The following DCDC1 variants were observed in gnomAD, a reference collection of about 807,000 sequenced individuals.
DCDC1 encodes the protein doublecortin domain containing 1, also known as doublecortin domain-containing protein 1.
In DCDC1, 200 loss-of-function variants were observed where a neutral mutation model predicts 178.3. That is an observed-to-expected ratio of 1.12 (90% CI 1.00 to 1.26). DCDC1 has a LOEUF of 1.26. Ranked by LOEUF, DCDC1 falls within the 50% of genes most tolerant of loss-of-function variation. The probability of loss-of-function intolerance (pLI) is 0.00; values close to 1 mark genes in which losing one functional copy is unlikely to be tolerated. For synonymous variants in DCDC1, 690 were observed against 604.8 expected, an observed-to-expected ratio of 1.14 and a Z score of -2.07; for missense variants, 1,983 against 1,749.2, an observed-to-expected ratio of 1.13 and a Z score of -2.38.
intron 20 of DCDC1, among the ~76,000 whole-genome samples, chr11:31,035,391 T>C (rs1271012804): frequency 6.6e-6 from 1 of 152,214 alleles, no homozygotes; most frequent in Non-Finnish European, 1.5e-5. Flanking sequence ...GTCTCCTTAG[T>C]CTCCTCTGAC....
chr11:31,047,791 A>G (rs1954950321), intron 20 of DCDC1, among the ~76,000 whole-genome samples: 1 of 152,176 alleles, frequency 6.6e-6, no homozygotes, highest in South Asian at 2.1e-4. Flanking sequence ...TCTACATCCT[A>G]TGATAACTGA....
chr11:30,898,547 G>T (rs1271316384), intron 34 of DCDC1, among the ~76,000 whole-genome samples: 1 of 152,132 alleles, frequency 6.6e-6, no homozygotes, highest in Non-Finnish European at 1.5e-5. Flanking sequence ...CTGGGTAGAT[G>T]GTAGTAGAAC....
chr11:30,877,900 T>C (rs1295882670), intron 38 of DCDC1, among the ~76,000 whole-genome samples: 1 of 152,174 alleles, frequency 6.6e-6, no homozygotes, highest in African/African-American at 2.4e-5. Flanking sequence ...AAACATTCCA[T>C]ATATGGAATA....
rs494290 is a variant in DCDC1, at chr11:30,902,569, T to C, written c.4510+913A>G. Among the ~76,000 whole-genome samples, 430 of 152,244 alleles carry C rather than the reference T, an allele frequency of 2.8e-3. 1 individual carries two copies. The highest frequency in any genetic ancestry group is 0.01 in the African/African-American group (422 of 41,548). ...ATGAAGTAATTGACAATTTTACAAA[T>C]AGTAAAATATGTACATTTTATGTAA... On this transcript the variant is annotated intron_variant, in intron 32 of 38. Transcript: ENST00000684477.
intron 22 of DCDC1, among the ~76,000 whole-genome samples, chr11:30,931,073 A>C (rs1178034791): frequency 6.6e-6 from 1 of 152,104 alleles, no homozygotes; most frequent in South Asian, 2.1e-4. Flanking sequence ...GTCAAGAGGT[A>C]ATATGGCTGC....
At chr11:31,088,007 T>A (rs778515805) in intron 17 of DCDC1, among the ~76,000 whole-genome samples, 29 of 152,100 alleles carry the variant, frequency 1.9e-4, no homozygotes, top group Admixed American at 8.5e-4. Flanking sequence ...GTGCCATTTT[T>A]AAAAAATTAG....
intron 9 of DCDC1, among the ~76,000 whole-genome samples, chr11:31,196,800 A>T (rs1970743264): frequency 6.6e-6 from 1 of 151,086 alleles, no homozygotes; most frequent in Non-Finnish European, 1.5e-5. Context: ...TCAATCTCCA[A>T]CTCCTCCCCA....
At chr11:31,056,674 G>T (rs1040068474) in intron 20 of DCDC1, among the ~76,000 whole-genome samples, 14 of 151,732 alleles carry the variant, frequency 9.2e-5, no homozygotes, top group Non-Finnish European at 1.8e-4. Flanking sequence ...TTATAGAAAA[G>T]AAAAATTCAT....
chr11:30,881,537 C>G (rs541393232), intron 36 of DCDC1, among the ~76,000 whole-genome samples: 2 of 152,184 alleles, frequency 1.3e-5, no homozygotes, highest in Admixed American at 1.3e-4. Flanking sequence ...CCTTGTAGTT[C>G]CGTATTTTTT....
At chr11:30,866,068 G>A (rs934860115) in intron 38 of DCDC1, among the ~76,000 whole-genome samples, 1 of 152,082 alleles carries the variant, frequency 6.6e-6, no homozygotes, top group Non-Finnish European at 1.5e-5. Context: ...ACTAGGGTGG[G>A]CCCCTAATCC....
At chr11:30,878,264 G>A (rs1486456893) in intron 38 of DCDC1, among the ~76,000 whole-genome samples, 1 of 152,024 alleles carries the variant, frequency 6.6e-6, no homozygotes, top group East Asian at 1.9e-4. Flanking sequence ...ACCAGCCTGG[G>A]CAACAAGGCA....
chr11:31,054,319 A>T (rs949313691), intron 20 of DCDC1, among the ~76,000 whole-genome samples: 3 of 152,096 alleles, frequency 2.0e-5, no homozygotes, highest in African/African-American at 7.2e-5. Context: ...ACTACAAAAC[A>T]CTGCTGAAAT....
At chr11:31,311,709 G>A (rs1439215551) in intron 3 of DCDC1, among the ~76,000 whole-genome samples, 8 of 152,104 alleles carry the variant, frequency 5.3e-5, no homozygotes, top group African/African-American at 1.9e-4. Flanking sequence ...AATCTTGAGG[G>A]TGAAGAATTT....
At chr11:30,939,202 C>G (rs1479622700) in intron 21 of DCDC1, among the ~76,000 whole-genome samples, 2 of 152,180 alleles carry the variant, frequency 1.3e-5, no homozygotes, top group Non-Finnish European at 2.9e-5. Flanking sequence ...CCTGTTACCT[C>G]CACTGTCTCC....
At chr11:31,092,751 T>A (rs984021992) in intron 16 of DCDC1, among the ~76,000 whole-genome samples, 2 of 152,172 alleles carry the variant, frequency 1.3e-5, no homozygotes, top group East Asian at 3.9e-4. Flanking sequence ...CCATAGCAAC[T>A]GGTCCAACTC....
intron 20 of DCDC1, among the ~76,000 whole-genome samples, chr11:30,970,935 C>T (rs1002986224): frequency 2.6e-5 from 4 of 152,180 alleles, no homozygotes; most frequent in African/African-American, 9.7e-5. Flanking sequence ...GCACAGCACA[C>T]CACCATTGGC....
At chr11:31,221,499 T>C (rs1378553343) in intron 9 of DCDC1, among the ~76,000 whole-genome samples, 1 of 152,220 alleles carries the variant, frequency 6.6e-6, no homozygotes, top group South Asian at 2.1e-4. Flanking sequence ...GGTAGTGACC[T>C]TCCCCTTTTG....
intron 3 of DCDC1, among the ~76,000 whole-genome samples, chr11:31,324,323 G>GT (rs962274927): frequency 2.0e-5 from 3 of 151,858 alleles, no homozygotes; most frequent in African/African-American, 7.3e-5. Flanking sequence ...AAAAAAAAAG[G>GT]TTTTTTACTT....
At chr11:31,359,328 G>A (rs1297748975) in intron 1 of DCDC1, among the ~76,000 whole-genome samples, 4 of 149,874 alleles carry the variant, frequency 2.7e-5, no homozygotes, top group Non-Finnish European at 5.9e-5. Context: ...GTAAACTATC[G>A]CAAGAACAAA....
Sources: allele counts gnomAD v4.1 joint callset (sites outside exome capture counted in the v4.1 genomes callset), GRCh38; gene constraint gnomAD v4.1.1; transcripts MANE v1.5; gene names NCBI Gene and HGNC (gene_info 2026-07-23, HGNC 2026-07-21).